ITGAX: variants seen among roughly 807,000 people sequenced by gnomAD.
The protein encoded by ITGAX is integrin subunit alpha X.
Under a neutral mutation model 140.2 loss-of-function variants are expected in ITGAX, and 99 were observed. That is an observed-to-expected ratio of 0.71 (90% CI 0.60 to 0.83). The LOEUF (loss-of-function observed/expected upper bound fraction) is 0.83, where lower values mean the gene tolerates loss of function less well. Among genes scored for constraint, ITGAX ranks in the 40% least tolerant of loss-of-function variants. The pLI is 0.00. For missense variants in ITGAX, 1,444 were observed against 1,482.0 expected (o/e 0.97, Z 0.42); for synonymous variants, 631 against 600.4 (o/e 1.05, Z -0.75).
Position 31,380,901 on chromosome 16 carries a change from C to T in ITGAX, c.3281C>T (p.Thr1094Ile). 6.2e-7 allele frequency: 1 copy of T among 1,613,888 alleles called. No homozygotes were observed. Among genetic ancestry groups the T allele is most frequent in the African/African-American group, 1.3e-5 (1 of 75,000 alleles). Residue 1094 changes from threonine (T) to isoleucine (I), a missense_variant, in exon 29 of 30, where the codon ACA becomes ATA. Thr to Ile is a moderately conservative substitution (Grantham distance 89). Coordinates refer to ENST00000268296, the MANE Select transcript of ITGAX (RefSeq NM_000887.5). ...GQEAFMRAQT[T>I]TVLEKYKVHN... ...ACAGGGTCACTTCCACTTCAGACGA[C>T]AACGGTGCTGGAGAAGTACAAGGTC...
rs373279807 is a variant in ITGAX, at chr16:31,356,061, C to G, written c.143+63C>G. ...TCCTCTCCCTGCTCAGGGCCCCATG[C>G]CCCCGGCCCTGCCCTGTTATTTGCA... On this transcript the variant is annotated intron_variant, in intron 2 of 29. Coordinates refer to ENST00000268296, the MANE Select transcript of ITGAX (RefSeq NM_000887.5). 17 of 1,178,636 alleles carry G rather than the reference C, an allele frequency of 1.4e-5. No individual in the cohort carries two copies. In the East Asian group the frequency reaches 1.9e-4, roughly 13 times the overall value. 73.0% of individuals were successfully genotyped at this position (1,178,636 alleles called of 1,614,324 possible). A position where few individuals can be genotyped will look rare whatever the true frequency, so the allele number is the denominator to read the frequency against.
intron 2 of ITGAX, chr16:31,356,406 A>G: frequency 2.0e-6 from 1 of 507,610 alleles, no homozygotes; most frequent in Non-Finnish European, 3.5e-6. Flanking sequence ...CTGGGATTCC[A>G]GGTGTGAGCC....
intron 29 of ITGAX, among the ~76,000 whole-genome samples, chr16:31,381,296 A>C (rs1224761729): frequency 6.6e-6 from 1 of 152,186 alleles, no homozygotes; most frequent in Non-Finnish European, 1.5e-5. Flanking sequence ...GAATGTCGAC[A>C]TCACCACGGG....
intron 20 of ITGAX, 21 bp downstream of exon 20, chr16:31,373,411 GGA>G: frequency 6.2e-7 from 1 of 1,603,940 alleles, no homozygotes; most frequent in Non-Finnish European, 8.5e-7. Context: ...TGGGGAAGGA[GGA>G]GGAGGCAGGG....
At chr16:31,365,792 G>A (rs55783467) in intron 14 of ITGAX, among the ~76,000 whole-genome samples, 4,548 of 152,220 alleles carry the variant, frequency 0.03, 107 homozygotes, top group Non-Finnish European at 0.042. Flanking sequence ...GCGTAATGGC[G>A]CATGCCTATA....
intron 1 of ITGAX, 55 bp downstream of exon 1, chr16:31,355,346 G>A (rs908070290): frequency 6.3e-7 from 1 of 1,595,206 alleles, no homozygotes; most frequent in African/African-American, 1.3e-5. Context: ...AGGGAGCCAG[G>A]GCCCTGAACT....
chr16:31,382,378 T>G lies in ITGAX; in HGVS notation c.*471T>G. 3 of 1,473,344 alleles carry G rather than the reference T, an allele frequency of 2.0e-6. No homozygotes were observed. Among genetic ancestry groups the G allele is most frequent in the Non-Finnish European group, 2.8e-6 (3 of 1,090,572 alleles). 91.3% of individuals were successfully genotyped at this position (1,473,344 alleles called of 1,614,324 possible). ...CTGCTGTCTCAGCCTCCTGAGTAGC[T>G]GGGACTACAGGCACACGCCACCTCG... is the stretch of plus-strand genomic sequence containing the variant. On this transcript the variant is annotated 3_prime_UTR_variant, in exon 30 of 30. Coordinates refer to ENST00000268296, the MANE Select transcript of ITGAX (RefSeq NM_000887.5).
intron 17 of ITGAX, 40 bp downstream of exon 17, chr16:31,371,824 G>A: frequency 6.2e-7 from 1 of 1,603,646 alleles, no homozygotes; most frequent in Non-Finnish European, 8.5e-7. Flanking sequence ...CCGCGCTGGG[G>A]CTGGCAGAAG....
rs1374937190 is a variant in ITGAX, at chr16:31,356,014, T to C, written c.143+16T>C. ...CCAACTCCTGGTGAGGCCCAGGTGGTGCTGGCCTTTGGCTCCATCCATCCT... is the reference window on the plus strand; with the variant it reads ...CCAACTCCTGGTGAGGCCCAGGTGGCGCTGGCCTTTGGCTCCATCCATCCT... On this transcript the variant is annotated intron_variant, in intron 2 of 29. Coordinates refer to ENST00000268296, the MANE Select transcript of ITGAX (RefSeq NM_000887.5). 6.3e-7 allele frequency: 1 copy of C among 1,582,384 alleles called. No individual in the cohort carries two copies. The highest frequency in any genetic ancestry group is 1.7e-5 in the Admixed American group (1 of 58,874).
Position 31,362,773 on chromosome 16 carries a change from A to G in ITGAX, c.1359+20A>G, listed in dbSNP as rs1436076993. 1 of 1,613,108 alleles carries G rather than the reference A, an allele frequency of 6.2e-7. No individual in the cohort carries two copies. Among genetic ancestry groups the G allele is most frequent in the Non-Finnish European group, 8.5e-7 (1 of 1,179,610 alleles). ...ACTCAGGTTGGGCGTGACAGGAGCC[A>G]GAGGGGAGGATGAGGGTAGGGGAGG... On this transcript the variant is annotated intron_variant, in intron 12 of 29. Transcript: ENST00000268296.
In ITGAX at chr16:31,382,269, G is replaced by T. The variant is rs1178489289; in HGVS notation, c.*362G>T. On this transcript the variant is annotated 3_prime_UTR_variant, in exon 30 of 30. Transcript: ENST00000268296. Reference sequence around the variant, plus strand: ...CTTTTCTTTTTTTTTTTTTTGAGACGGAGTCTCGCTCTGTCACCCAGGCTG... The same window carrying T: ...CTTTTCTTTTTTTTTTTTTTGAGACTGAGTCTCGCTCTGTCACCCAGGCTG... 6.4e-5 allele frequency: 56 copies of T among 875,208 alleles called. No homozygotes were observed. Among genetic ancestry groups the T allele is most frequent in the Non-Finnish European group, 8.6e-6 (6 of 701,056 alleles). The allele number at this position is 875,208 out of a possible 1,614,324, so 54.2% of individuals were successfully genotyped here. A position where few individuals can be genotyped will look rare whatever the true frequency, so the allele number is the denominator to read the frequency against.
rs529115887 is a variant in ITGAX at position 31,377,862 on chromosome 16, T to C, written c.2789+597T>C. ...TCTGGGGGAGGCCAAGGTGGGAGGA[T>C]TGCTTGAGGCCAGGAGTTCAGGATC... is the stretch of plus-strand genomic sequence containing the variant. On this transcript the variant is annotated intron_variant, in intron 23 of 29. Coordinates refer to ENST00000268296, the MANE Select transcript of ITGAX (RefSeq NM_000887.5). Among the ~76,000 whole-genome samples, 5 of 152,212 alleles carry C rather than the reference T, an allele frequency of 3.3e-5. No homozygotes were observed. In the South Asian group the frequency reaches 1.0e-3, roughly 32 times the overall value.
At chr16:31,373,180 AT>A in intron 19 of ITGAX, 68 bp from the exon 20 acceptor site, 4 of 743,870 alleles carry the variant, frequency 5.4e-6, no homozygotes, top group Non-Finnish European at 4.2e-6. Flanking sequence ...CACCCACCCC[AT>A]TTTATCCCAG....
chr16:31,372,566 G>A lies in ITGAX; in HGVS notation c.2293-31G>A, dbSNP rs756929765. ...GTGCACAGCGTGGGGCCTGGGTCTC[G>A]GAGAAAACCCCCCGTTGCCTTCCCA... On this transcript the variant is annotated intron_variant, in intron 18 of 29. Transcript: ENST00000268296. 10 of 1,613,940 alleles carry A rather than the reference G, an allele frequency of 6.2e-6. No homozygotes were observed. The East Asian group carries it at 6.7e-5, about 11-fold the overall frequency.
intron 5 of ITGAX, 90 bp downstream of exon 5, chr16:31,357,454 C>A: frequency 1.3e-6 from 1 of 797,362 alleles, no homozygotes; most frequent in Non-Finnish European, 2.0e-6. Flanking sequence ...CAGAGTGGAT[C>A]AGAAAGAAGG....
chr16:31,373,476 G>A (rs2080992828), intron 20 of ITGAX, 86 bp downstream of exon 20: 1 of 1,409,464 alleles, frequency 7.1e-7, no homozygotes, highest in Non-Finnish European at 9.5e-7. Flanking sequence ...TGGGCTTGGA[G>A]GTGGTAGTGC....
In ITGAX at chr16:31,362,548, TG is replaced by T. The variant is rs2080842465; in HGVS notation, c.1217-58del. 4 of 1,198,618 alleles carry T rather than the reference TG, an allele frequency of 3.3e-6. 1 individual carries two copies. The South Asian group carries it at 5.9e-5, about 18-fold the overall frequency. 74.2% of individuals were successfully genotyped at this position (1,198,618 alleles called of 1,614,324 possible). On this transcript the variant is annotated intron_variant, in intron 11 of 29. Coordinates refer to ENST00000268296, the MANE Select transcript of ITGAX (RefSeq NM_000887.5). ...GGAGATGGTGCTGTGCTGCCCGGGGTGGGGGTCCAGGGTTCTGGGGAGGGGG... is the reference window on the plus strand; with the variant it reads ...GGAGATGGTGCTGTGCTGCCCGGGGTGGGGTCCAGGGTTCTGGGGAGGGGG...
At position 31,382,346 on chromosome 16, in the gene ITGAX, A is replaced by G. The variant is rs2081077453; in HGVS notation, c.*439A>G. On this transcript the variant is annotated 3_prime_UTR_variant, in exon 30 of 30. Coordinates refer to ENST00000268296, the MANE Select transcript of ITGAX (RefSeq NM_000887.5). ...CTGCAACCTCCGCCTCCCGGGTTCA[A>G]GTAATTCTGCTGTCTCAGCCTCCTG... is the stretch of plus-strand genomic sequence containing the variant. 1 of 1,326,894 alleles carries G rather than the reference A, an allele frequency of 7.5e-7. No homozygotes were observed. The highest frequency in any genetic ancestry group is 1.0e-6 in the Non-Finnish European group (1 of 962,086). 82.2% of individuals were successfully genotyped at this position (1,326,894 alleles called of 1,614,324 possible).
chr16:31,357,025 C>T lies in ITGAX; in HGVS notation c.248-6C>T, dbSNP rs1444435199. 6.2e-7 allele frequency: 1 copy of T among 1,607,382 alleles called. No homozygotes were observed. Among genetic ancestry groups the T allele is most frequent in the Admixed American group, 1.7e-5 (1 of 58,652 alleles). ...AGAGTGACCATGCACATATCTGTCCCCACAGTGCCCCCGGAGGCCGTGAAC... is the reference window on the plus strand; with the variant it reads ...AGAGTGACCATGCACATATCTGTCCTCACAGTGCCCCCGGAGGCCGTGAAC... On this transcript the variant is annotated splice_region_variant and splice_polypyrimidine_tract_variant and intron_variant, in intron 3 of 29. Coordinates refer to ENST00000268296, the MANE Select transcript of ITGAX (RefSeq NM_000887.5).
Sources: allele counts gnomAD v4.1 joint callset (sites outside exome capture counted in the v4.1 genomes callset), GRCh38; gene constraint gnomAD v4.1.1; transcripts MANE v1.5; gene names NCBI Gene and HGNC (gene_info 2026-07-23, HGNC 2026-07-21).